The following LRMDA variants were observed in gnomAD, a reference collection of about 807,000 sequenced individuals.
LRMDA encodes leucine-rich melanocyte differentiation-associated protein.
A neutral mutation model predicts 29.8 loss-of-function variants in LRMDA; 18 were observed. The observed-to-expected ratio is 0.60, with a 90% confidence interval of 0.42 to 0.90. LRMDA has a LOEUF of 0.90. Ranked by LOEUF, LRMDA falls within the 40% of genes least tolerant of loss-of-function variation. The pLI, the probability that LRMDA is intolerant of heterozygous loss-of-function variation, is 0.00. For missense variants in LRMDA, 273 were observed against 273.9 expected (o/e 1.00, Z 0.02); for synonymous variants, 125 against 109.4 (o/e 1.14, Z -0.89).
At chr10:75,858,036 A>T (rs1844857186) in intron 2 of LRMDA, among the ~76,000 whole-genome samples, 1 of 152,218 alleles carries the variant, frequency 6.6e-6, no homozygotes, top group Non-Finnish European at 1.5e-5. Context: ...AGATGGCTCA[A>T]AGTCTATGGA....
In LRMDA at chr10:75,438,711, G is replaced by A. The variant is rs555592122; in HGVS notation, c.131+217G>A. 2.4e-4 allele frequency among the ~76,000 whole-genome samples: 36 copies of A among 152,326 alleles called. No individual in the cohort carries two copies. The South Asian group carries it at 3.9e-3, about 17-fold the overall frequency. On this transcript the variant is annotated intron_variant, in intron 2 of 6. Transcript: ENST00000611255. ...TTTTGTGCTGCTGAAGAGGCAGGCA[G>A]CATATTGAGCCTCATCCATTTCACA...
intron 6 of LRMDA, among the ~76,000 whole-genome samples, chr10:76,378,459 G>A (rs1841547578): frequency 6.6e-6 from 1 of 152,118 alleles, no homozygotes; most frequent in African/African-American, 2.4e-5. Flanking sequence ...TTTAGTCCCA[G>A]TTCTTAGGGG....
intron 5 of LRMDA, among the ~76,000 whole-genome samples, chr10:76,136,482 T>C (rs1373329057): frequency 6.6e-6 from 1 of 152,172 alleles, no homozygotes; most frequent in Non-Finnish European, 1.5e-5. Flanking sequence ...CATGCTGATA[T>C]ATAAGGGAGA....
intron 2 of LRMDA, among the ~76,000 whole-genome samples, chr10:75,745,745 C>T (rs141449670): frequency 4.6e-5 from 7 of 152,182 alleles, no homozygotes; most frequent in African/African-American, 1.4e-4. Flanking sequence ...AACCCAGGGG[C>T]CAGAATGCCA....
intron 6 of LRMDA, among the ~76,000 whole-genome samples, chr10:76,373,464 G>A (rs980650870): frequency 1.3e-5 from 2 of 152,070 alleles, no homozygotes; most frequent in African/African-American, 2.4e-5. Flanking sequence ...GGAGTTTGTA[G>A]TATCCTGGTA....
At chr10:76,234,633 G>T (rs139335209) in intron 5 of LRMDA, among the ~76,000 whole-genome samples, 23 of 152,258 alleles carry the variant, frequency 1.5e-4, no homozygotes, top group African/African-American at 5.1e-4. Flanking sequence ...ATCTTAGCTG[G>T]ATCTCCTGGA....
At chr10:75,675,861 C>T (rs867699772) in intron 2 of LRMDA, among the ~76,000 whole-genome samples, 28 of 152,250 alleles carry the variant, frequency 1.8e-4, no homozygotes, top group Non-Finnish European at 3.2e-4. Flanking sequence ...TGATCTATTC[C>T]GCAAGGTCCA....
intron 6 of LRMDA, among the ~76,000 whole-genome samples, chr10:76,418,171 A>C (rs1842036364): frequency 6.6e-6 from 1 of 152,124 alleles, no homozygotes. Flanking sequence ...CAATGAAAAA[A>C]GATGATATTT....
intron 2 of LRMDA, among the ~76,000 whole-genome samples, chr10:75,878,688 A>G (rs946744662): frequency 2.3e-4 from 35 of 152,142 alleles, no homozygotes; most frequent in African/African-American, 7.5e-4. Context: ...ATCCATGGGT[A>G]CAAGCCCAAG....
chr10:76,278,620 C>G (rs539956525), intron 5 of LRMDA, among the ~76,000 whole-genome samples: 23 of 152,312 alleles, frequency 1.5e-4, no homozygotes, highest in Admixed American at 1.4e-3. Flanking sequence ...TAGTAGCACT[C>G]AGACAGCATA....
At position 75,750,021 on chromosome 10, in the gene LRMDA, T is replaced by C. The variant is rs1842935563; in HGVS notation, c.132-285987T>C. 4.6e-5 allele frequency among the ~76,000 whole-genome samples: 7 copies of C among 152,270 alleles called. No homozygotes were observed. In the South Asian group the frequency reaches 1.4e-3, roughly 31 times the overall value. Reference sequence around the variant, plus strand: ...CAGAACAAAATGGAGTCAGGATGTCTACTTCTTTCTACACAGACACTGTAA... The same window carrying C: ...CAGAACAAAATGGAGTCAGGATGTCCACTTCTTTCTACACAGACACTGTAA... On this transcript the variant is annotated intron_variant, in intron 2 of 6. Coordinates refer to ENST00000611255, the MANE Select transcript of LRMDA (RefSeq NM_001305581.2).
intron 6 of LRMDA, among the ~76,000 whole-genome samples, chr10:76,544,403 C>T (rs116000690): frequency 0.015 from 2,243 of 152,166 alleles, 61 homozygotes; most frequent in African/African-American, 0.051. Flanking sequence ...GGACAGATAA[C>T]ACCTGGTACC....
At chr10:75,981,490 A>G (rs1052653061) in intron 2 of LRMDA, among the ~76,000 whole-genome samples, 1 of 152,208 alleles carries the variant, frequency 6.6e-6, no homozygotes, top group African/African-American at 2.4e-5. Context: ...CAGATGCAAT[A>G]GTTACTCTTC....
chr10:76,369,177 T>G (rs907742680), intron 6 of LRMDA, among the ~76,000 whole-genome samples: 1 of 152,172 alleles, frequency 6.6e-6, no homozygotes, highest in Non-Finnish European at 1.5e-5. Context: ...TTTTTGTTTT[T>G]GCTTTTTAAC....
At chr10:76,363,076 C>T (rs1474322808) in intron 6 of LRMDA, among the ~76,000 whole-genome samples, 3 of 145,486 alleles carry the variant, frequency 2.1e-5, no homozygotes, top group Non-Finnish European at 4.5e-5. Flanking sequence ...TTGCTAACAT[C>T]GACCTAGCAT....
At chr10:76,502,023 G>A (rs1842914996) in intron 6 of LRMDA, among the ~76,000 whole-genome samples, 2 of 151,808 alleles carry the variant, frequency 1.3e-5, no homozygotes, top group Non-Finnish European at 2.9e-5. Context: ...TCCATTTTGA[G>A]TTAATTTTTT....
At chr10:76,005,874 G>A (rs1315910751) in intron 2 of LRMDA, among the ~76,000 whole-genome samples, 1 of 151,944 alleles carries the variant, frequency 6.6e-6, no homozygotes. Flanking sequence ...AGCTTGCAGT[G>A]AGCCGAGATG....
chr10:75,838,580 C>A (rs1015833475), intron 2 of LRMDA, among the ~76,000 whole-genome samples: 1 of 152,110 alleles, frequency 6.6e-6, no homozygotes, highest in African/African-American at 2.4e-5. Flanking sequence ...AAAAGTCAAG[C>A]CTCTTGCTTT....
chr10:75,751,130 A>G (rs538572228), intron 2 of LRMDA, among the ~76,000 whole-genome samples: 2 of 152,376 alleles, frequency 1.3e-5, no homozygotes, highest in East Asian at 1.9e-4. Context: ...TCCGGCCAAC[A>G]CGGTGAAACC....
Sources: gnomAD v4.1 joint callset for allele counts (sites outside exome capture counted in the v4.1 genomes callset) on GRCh38, gnomAD v4.1.1 for gene constraint, MANE v1.5 for transcripts, NCBI Gene and HGNC (gene_info 2026-07-23, HGNC 2026-07-21) for gene names.